The following UNC5B variants were observed in gnomAD, a reference collection of about 807,000 sequenced individuals.
UNC5B encodes the protein unc-5 netrin receptor B.
Under a neutral mutation model 103.7 loss-of-function variants are expected in UNC5B, and 56 were observed. That is an observed-to-expected ratio of 0.54 (90% CI 0.44 to 0.67). The LOEUF (loss-of-function observed/expected upper bound fraction) is 0.67, where lower values mean the gene tolerates loss of function less well. Among genes scored for constraint, UNC5B ranks in the 30% least tolerant of loss-of-function variants. The pLI, the probability that UNC5B is intolerant of heterozygous loss-of-function variation, is 0.00. For missense variants in UNC5B, 1,194 were observed against 1,284.5 expected (o/e 0.93, Z 1.08); for synonymous variants, 577 against 542.0 (o/e 1.06, Z -0.90).
At chr10:71,257,429 C>G (rs1051121856) in intron 1 of UNC5B, among the ~76,000 whole-genome samples, 3 of 152,234 alleles carry the variant, frequency 2.0e-5, no homozygotes, top group African/African-American at 7.2e-5. Context: ...TTGCCCCCTT[C>G]CCCCTCCAGG....
chr10:71,254,481 G>T (rs1844245712), intron 1 of UNC5B, among the ~76,000 whole-genome samples: 1 of 152,248 alleles, frequency 6.6e-6, no homozygotes, highest in African/African-American at 2.4e-5. Context: ...CGACAGTGTG[G>T]GCCTGGCTTG....
chr10:71,267,566 T>G (rs1457054109), intron 1 of UNC5B, among the ~76,000 whole-genome samples: 1 of 152,176 alleles, frequency 6.6e-6, no homozygotes, highest in Non-Finnish European at 1.5e-5. Flanking sequence ...TTCTTAACCT[T>G]GAAAATTTGC....
chr10:71,269,585 C>A (rs1476410819), intron 1 of UNC5B, among the ~76,000 whole-genome samples: 1 of 152,044 alleles, frequency 6.6e-6, no homozygotes, highest in Non-Finnish European at 1.5e-5. Context: ...GCTGCCCAAA[C>A]CCCCTCTGAC....
chr10:71,227,587 A>G (rs570629948), intron 1 of UNC5B, among the ~76,000 whole-genome samples: 1 of 147,100 alleles, frequency 6.8e-6, no homozygotes, highest in African/African-American at 2.6e-5. Flanking sequence ...AAATAAAAAT[A>G]AATTTTGTAT....
intron 1 of UNC5B, among the ~76,000 whole-genome samples, chr10:71,260,269 A>G (rs1798202662): frequency 6.6e-6 from 1 of 152,220 alleles, no homozygotes; most frequent in African/African-American, 2.4e-5. Context: ...GCCTCAGGAT[A>G]GGGGAGGCAA....
chr10:71,238,478 A>G (rs901719444), intron 1 of UNC5B, among the ~76,000 whole-genome samples: 1 of 151,786 alleles, frequency 6.6e-6, no homozygotes, highest in African/African-American at 2.4e-5. Context: ...CCATGCTTAC[A>G]TTTGCATTTA....
chr10:71,219,236 G>A (rs1481606251), intron 1 of UNC5B, among the ~76,000 whole-genome samples: 3 of 151,916 alleles, frequency 2.0e-5, no homozygotes, highest in Non-Finnish European at 4.4e-5. Flanking sequence ...ACAGGACTGG[G>A]ACCCAGGTTT....
chr10:71,221,353 C>G (rs1843449023), intron 1 of UNC5B, among the ~76,000 whole-genome samples: 2 of 152,188 alleles, frequency 1.3e-5, no homozygotes, highest in Non-Finnish European at 2.9e-5. Flanking sequence ...CTCCGAAGCT[C>G]AAGTGCGCCC....
At chr10:71,296,491 AG>A (rs957877907) in intron 14 of UNC5B, 86 bp from the exon 15 acceptor site, 2 of 1,490,030 alleles carry the variant, frequency 1.3e-6, no homozygotes, top group Admixed American at 2.0e-5. Context: ...TGCCCCCCAA[AG>A]CTCCCAACCC....
intron 1 of UNC5B, among the ~76,000 whole-genome samples, chr10:71,269,865 G>A (rs1844603959): frequency 6.6e-6 from 1 of 152,184 alleles, no homozygotes; most frequent in Non-Finnish European, 1.5e-5. Flanking sequence ...GGGTGGTCAG[G>A]GAAGGCCTCA....
intron 1 of UNC5B, among the ~76,000 whole-genome samples, chr10:71,253,888 C>G (rs544323012): frequency 4.3e-4 from 65 of 152,220 alleles, no homozygotes; most frequent in Admixed American, 1.0e-3. Flanking sequence ...AGATGGGGAT[C>G]GCTGCAAGGT....
intron 4 of UNC5B, among the ~76,000 whole-genome samples, chr10:71,285,675 C>G (rs896201805): frequency 3.3e-5 from 5 of 152,206 alleles, no homozygotes; most frequent in Admixed American, 6.5e-5. Context: ...CAGAAATCCC[C>G]AGAACTCAGG....
intron 2 of UNC5B, among the ~76,000 whole-genome samples, chr10:71,284,175 G>T (rs1845002246): frequency 6.6e-6 from 1 of 152,196 alleles, no homozygotes; most frequent in Non-Finnish European, 1.5e-5. Flanking sequence ...GCAGGGTGGA[G>T]GGGGCTTTCC....
intron 1 of UNC5B, among the ~76,000 whole-genome samples, chr10:71,250,323 G>T (rs956482447): frequency 2.0e-5 from 3 of 152,236 alleles, no homozygotes; most frequent in Admixed American, 2.0e-4. Context: ...CATGAGCTAG[G>T]CCCCTTCTGG....
At chr10:71,250,814 C>T (rs1844155986) in intron 1 of UNC5B, among the ~76,000 whole-genome samples, 1 of 152,156 alleles carries the variant, frequency 6.6e-6, no homozygotes, top group Non-Finnish European at 1.5e-5. Context: ...AATTTATAAT[C>T]TATGGGAGTA....
At position 71,293,799 on chromosome 10, in the gene UNC5B, G is replaced by A. The variant is rs35766388; in HGVS notation, c.2041G>A (p.Val681Met). Residue 681 changes from valine (V) to methionine (M), a missense_variant, in exon 13 of 17, where the codon GTG (valine) becomes ATG (methionine). Coordinates refer to ENST00000335350, the MANE Select transcript of UNC5B (RefSeq NM_170744.5). ...CCTGCTGGACCAGCTGGGCACCTAC[G>A]TGTTCACGGGCGAGTCCTATTCCCG... is the stretch of plus-strand genomic sequence containing the variant. ...HILLDQLGTY[V>M]FTGESYSRSA... 3,952 of 1,608,010 alleles carry A rather than the reference G, an allele frequency of 2.5e-3. 85 individuals carry two copies. In the African/African-American group the frequency reaches 0.047, roughly 19 times the overall value.
chr10:71,286,998 C>T (rs374010888), intron 5 of UNC5B, 129 bp downstream of exon 5: 1 of 1,289,520 alleles, frequency 7.8e-7, no homozygotes, highest in Admixed American at 2.5e-5. Context: ...TGACCAAGAT[C>T]ACAACACAGC....
At chr10:71,257,810 G>T (rs1382154032) in intron 1 of UNC5B, among the ~76,000 whole-genome samples, 1 of 152,270 alleles carries the variant, frequency 6.6e-6, no homozygotes, top group Admixed American at 6.5e-5. Context: ...TGCAGGCTGT[G>T]GCCAGGTGTG....
chr10:71,280,607 TG>T, intron 2 of UNC5B, among the ~76,000 whole-genome samples: 1 of 152,058 alleles, frequency 6.6e-6, no homozygotes, highest in East Asian at 1.9e-4. Flanking sequence ...CAGCTGAAAC[TG>T]GGAAACTCGA....
Sources: allele counts gnomAD v4.1 joint callset (sites outside exome capture counted in the v4.1 genomes callset), GRCh38; gene constraint gnomAD v4.1.1; transcripts MANE v1.5; gene names NCBI Gene and HGNC (gene_info 2026-07-23, HGNC 2026-07-21).